Variants in FMN2 observed in about 807,000 individuals in gnomAD.
FMN2 encodes the protein formin 2, also known as formin-2.
In FMN2, 51 loss-of-function variants were observed where a neutral mutation model predicts 142.3. The ratio of observed to expected loss-of-function variants is 0.36; its 90% CI spans 0.29 to 0.45. The LOEUF (loss-of-function observed/expected upper bound fraction) is 0.45. Among genes scored for constraint, FMN2 ranks in the 20% least tolerant of loss-of-function variants. The pLI, the probability that FMN2 is intolerant of heterozygous loss-of-function variation, is 1.00. For synonymous variants in FMN2, 882 were observed against 869.8 expected, an observed-to-expected ratio of 1.01 and a Z score of -0.25; for missense variants, 1,936 against 2,122.8, an observed-to-expected ratio of 0.91 and a Z score of 1.73.
intron 15 of FMN2, among the ~76,000 whole-genome samples, chr1:240,429,613 T>G (rs1048036310): frequency 1.3e-5 from 2 of 152,226 alleles, no homozygotes; most frequent in African/African-American, 2.4e-5. Flanking sequence ...ATTGTTCTGA[T>G]TAGTCAACAT....
chr1:240,274,909 G>A (rs372876512), intron 7 of FMN2, among the ~76,000 whole-genome samples: 1 of 151,976 alleles, frequency 6.6e-6, no homozygotes, highest in Non-Finnish European at 1.5e-5. Context: ...GTTTGGGAGC[G>A]GAAGATCAGC....
In FMN2 at chr1:240,093,741, G is replaced by C; in HGVS notation, c.1615+17G>C. On this transcript the variant is annotated intron_variant, in intron 1 of 17. Transcript: ENST00000319653. The stretch of plus-strand genomic sequence containing the variant: ...TGTTCACAGGTGAGCGCGCCCTGCT[G>C]CTGGCCTCCGGGTCTCAAGTCGCCT... 1 of 1,303,700 alleles carries C rather than the reference G, an allele frequency of 7.7e-7. No homozygotes were observed. Among genetic ancestry groups the C allele is most frequent in the Non-Finnish European group, 9.7e-7 (1 of 1,030,380 alleles). 80.8% of individuals were successfully genotyped at this position (1,303,700 alleles called of 1,614,324 possible). A position where few individuals can be genotyped will look rare whatever the true frequency, so the allele number is the denominator to read the frequency against.
At chr1:240,379,733 C>T (rs1405917991) in intron 14 of FMN2, among the ~76,000 whole-genome samples, 1 of 151,972 alleles carries the variant, frequency 6.6e-6, no homozygotes, top group South Asian at 2.1e-4. Flanking sequence ...TGGTTCTTTT[C>T]AATTAAGTCC....
chr1:240,264,350 G>C (rs757545716), intron 7 of FMN2, among the ~76,000 whole-genome samples: 9 of 152,066 alleles, frequency 5.9e-5, no homozygotes, highest in Non-Finnish European at 1.2e-4. Flanking sequence ...TGGCATACAG[G>C]ATACATATTC....
intron 14 of FMN2, among the ~76,000 whole-genome samples, chr1:240,367,094 A>G (rs1180483917): frequency 2.6e-5 from 4 of 152,020 alleles, no homozygotes; most frequent in African/African-American, 4.8e-5. Flanking sequence ...GAGTTCTTTG[A>G]TTTTATTTTT....
chr1:240,265,421 T>C (rs1048496137), intron 7 of FMN2, among the ~76,000 whole-genome samples: 1 of 152,122 alleles, frequency 6.6e-6, no homozygotes, highest in Non-Finnish European at 1.5e-5. Flanking sequence ...CCCATAACAT[T>C]ATAATGGGGT....
intron 2 of FMN2, among the ~76,000 whole-genome samples, chr1:240,174,077 G>A (rs945308034): frequency 6.6e-6 from 1 of 152,124 alleles, no homozygotes; most frequent in Non-Finnish European, 1.5e-5. Flanking sequence ...ACTCCCAGAG[G>A]AGCTGGTAGG....
intron 8 of FMN2, among the ~76,000 whole-genome samples, chr1:240,325,367 G>T (rs1199648266): frequency 1.4e-5 from 2 of 145,968 alleles, no homozygotes; most frequent in Non-Finnish European, 3.0e-5. Flanking sequence ...AAAAGAGAAG[G>T]ATAAGGAAGG....
At chr1:240,109,662 C>T (rs1183342176) in intron 1 of FMN2, among the ~76,000 whole-genome samples, 1 of 152,026 alleles carries the variant, frequency 6.6e-6, no homozygotes, top group Non-Finnish European at 1.5e-5. Context: ...CTGAGACGCA[C>T]ATTTGATGCA....
At chr1:240,375,977 A>G (rs1023388600) in intron 14 of FMN2, among the ~76,000 whole-genome samples, 1 of 152,008 alleles carries the variant, frequency 6.6e-6, no homozygotes, top group Non-Finnish European at 1.5e-5. Context: ...TTTTTGCATT[A>G]TGTATTTTGA....
rs1572219369 is a variant in FMN2 at position 240,350,972 on chromosome 1, A to G, written c.4766-4844A>G. On this transcript the variant is annotated intron_variant, in intron 13 of 17. Coordinates refer to ENST00000319653, the MANE Select transcript of FMN2 (RefSeq NM_020066.5). The stretch of plus-strand genomic sequence containing the variant: ...AATGAAATTATTTATTCATTCCACA[A>G]AGAACTGTTGAGTGCATATTGCCTG... Among the ~76,000 whole-genome samples, 4 of 152,338 alleles carry G rather than the reference A, an allele frequency of 2.6e-5. No homozygotes were observed. The South Asian group carries it at 6.2e-4, about 24-fold the overall frequency.
intron 2 of FMN2, among the ~76,000 whole-genome samples, chr1:240,136,320 C>G (rs569921800): frequency 1.3e-5 from 2 of 152,250 alleles, no homozygotes; most frequent in East Asian, 3.9e-4. Context: ...TTCCCCCGAT[C>G]ATGAAGTTTT....
At chr1:240,273,252 T>A (rs1176346100) in intron 7 of FMN2, among the ~76,000 whole-genome samples, 7 of 152,216 alleles carry the variant, frequency 4.6e-5, no homozygotes, top group Non-Finnish European at 8.8e-5. Context: ...CAATAGCTGA[T>A]CATAATAGGG....
At chr1:240,349,340 TTGTATC>T (rs528645114) in intron 13 of FMN2, among the ~76,000 whole-genome samples, 22 of 152,348 alleles carry the variant, frequency 1.4e-4, no homozygotes, top group African/African-American at 5.1e-4. Context: ...TTCTTTTCCT[TTGTATC>T]TGTTATGTGA....
intron 15 of FMN2, among the ~76,000 whole-genome samples, chr1:240,437,294 T>C (rs1448883008): frequency 8.9e-6 from 1 of 112,270 alleles, no homozygotes; most frequent in Non-Finnish European, 1.6e-5. Context: ...ATCTCTTGCT[T>C]TTTTTTTTTT....
chr1:240,309,509 C>T (rs1670530413), intron 8 of FMN2, among the ~76,000 whole-genome samples: 1 of 152,180 alleles, frequency 6.6e-6, no homozygotes, highest in African/African-American at 2.4e-5. Flanking sequence ...TGGAGGCAAA[C>T]TGGTCACTGA....
chr1:240,202,146 A>C (rs1436401523), intron 4 of FMN2, among the ~76,000 whole-genome samples: 1 of 152,194 alleles, frequency 6.6e-6, no homozygotes, highest in East Asian at 1.9e-4. Context: ...CTGCAAATGT[A>C]GTTTTTCTTT....
chr1:240,179,714 C>T (rs1665074739), intron 3 of FMN2: 1 of 152,168 alleles, frequency 6.6e-6, no homozygotes, highest in African/African-American at 2.4e-5. Context: ...AAGTATTGAT[C>T]CCATTTTCTA....
intron 15 of FMN2, among the ~76,000 whole-genome samples, chr1:240,413,651 A>G (rs1429121200): frequency 6.6e-6 from 1 of 152,200 alleles, no homozygotes; most frequent in Admixed American, 6.5e-5. Flanking sequence ...GAGAACATAG[A>G]AACTCAGTCA....
Sources: gnomAD v4.1 joint callset for allele counts (sites outside exome capture counted in the v4.1 genomes callset) on GRCh38, gnomAD v4.1.1 for gene constraint, MANE v1.5 for transcripts, NCBI Gene and HGNC (gene_info 2026-07-23, HGNC 2026-07-21) for gene names.